WDR35: variants seen among roughly 807,000 people sequenced by gnomAD.
The protein encoded by WDR35 is WD repeat domain 35, also known as WD repeat-containing protein 35.
WDR35 carries 118 observed loss-of-function variants against 158.3 expected under a neutral mutation model. The observed-to-expected ratio is 0.75, with a 90% confidence interval of 0.64 to 0.87. The LOEUF is 0.87. Ranked by LOEUF, WDR35 falls within the 40% of genes least tolerant of loss-of-function variation. The pLI, the probability that WDR35 is intolerant of heterozygous loss-of-function variation, is 0.00. For missense variants in WDR35, 1,263 were observed against 1,405.8 expected, an observed-to-expected ratio of 0.90 and a Z score of 1.62; for synonymous variants, 448 against 476.1, an observed-to-expected ratio of 0.94 and a Z score of 0.77.
rs927540336 is a variant in WDR35 at position 19,934,384 on chromosome 2, T to C, written c.2548-873A>G. The stretch of plus-strand genomic sequence containing the variant: ...TCTTAACATCTTTGTCCTTTGAATA[T>C]ATATGTATATGTTTGTGTTGTACAC... On this transcript the variant is annotated intron_variant, in intron 21 of 26. Transcript: ENST00000281405. This position sits in a 1 kb window ranked among gnomAD's most constrained non-coding sequence, Gnocchi z 4.6. Among the ~76,000 whole-genome samples the C allele has an allele frequency of 3.9e-5, 6 of 152,150 alleles. No individual in the cohort carries two copies. The highest frequency in any genetic ancestry group is 7.4e-5 in the Non-Finnish European group (5 of 68,004).
intron 2 of WDR35, among the ~76,000 whole-genome samples, chr2:19,984,210 T>C (rs1470131158): frequency 2.6e-5 from 4 of 152,168 alleles, no homozygotes; most frequent in African/African-American, 7.2e-5. Context: ...TTCAGCTTGA[T>C]ATATTGAACA....
In WDR35 at chr2:19,978,879, C is replaced by G. The variant is rs886055406; in HGVS notation, c.308G>C (p.Gly103Ala). 1.2e-6 allele frequency: 2 copies of G among 1,613,506 alleles called. No homozygotes were observed. The highest frequency in any genetic ancestry group is 8.5e-7 in the Non-Finnish European group (1 of 1,179,728). The change falls in exon 5 of 27, where the codon GGC becomes GCC. Residue 103 changes from glycine (G) to alanine (A), a missense_variant and splice_region_variant. Gly to Ala is a moderately conservative substitution (Grantham distance 60). Transcript: ENST00000281405. Reference protein sequence around the residue: ...GLIIVWMLYKGSWIEEMINNR... With the variant: ...GLIIVWMLYKASWIEEMINNR... ...GTTGATCATCTCCTCAATCCAAGAG[C>G]CTGTTTTCACAAATTTAAAAAATTA...
Position 19,911,068 on chromosome 2 carries a change from C to A in WDR35, c.*2490G>T, listed in dbSNP as rs1285963483. 6.6e-6 allele frequency: 1 copy of A among 152,108 alleles called. No individual in the cohort carries two copies. The highest frequency in any genetic ancestry group is 1.5e-5 in the Non-Finnish European group (1 of 68,034). 9.4% of individuals were successfully genotyped at this position (152,108 alleles called of 1,614,324 possible). ...TTGTTTAAATATCAACTAGATCCAG[C>A]AACTTAGGATCTACCTGGAATAATT... is the stretch of plus-strand genomic sequence containing the variant. On this transcript the variant is annotated 3_prime_UTR_variant, in exon 27 of 27. Coordinates refer to ENST00000281405, the MANE Select transcript of WDR35 (RefSeq NM_020779.4).
chr2:19,916,705 G>C (rs578082913), intron 25 of WDR35, among the ~76,000 whole-genome samples: 61 of 152,252 alleles, frequency 4.0e-4, no homozygotes, highest in African/African-American at 1.4e-3. Context: ...GGACACCTCT[G>C]AAAAAAAGCC....
At chr2:19,954,062 G>A (rs1168951187) in intron 11 of WDR35, 84 bp from the exon 12 acceptor site, 11 of 1,498,372 alleles carry the variant, frequency 7.3e-6, no homozygotes, top group African/African-American at 1.4e-5. Flanking sequence ...TAATCACGGA[G>A]TTCAACCCCT....
At chr2:19,919,870 T>C (rs370672660) in intron 25 of WDR35, among the ~76,000 whole-genome samples, 1 of 151,822 alleles carries the variant, frequency 6.6e-6, no homozygotes. Context: ...AAGAATCAAA[T>C]AGATGCAATA....
intron 7 of WDR35, among the ~76,000 whole-genome samples, chr2:19,974,152 TG>T (rs1317845554): frequency 1.3e-5 from 2 of 151,940 alleles, no homozygotes; most frequent in Non-Finnish European, 2.9e-5. Context: ...GGCTCACGCC[TG>T]TAATCCCAGC....
Position 19,914,209 on chromosome 2 carries a change from C to T in WDR35, c.3190G>A (p.Ala1064Thr), listed in dbSNP as rs759338583. ...VEIYSLLALCACASRAFGTCS... is the reference protein window; with the variant it reads ...VEIYSLLALCTCASRAFGTCS... ...GTCCCAAAGGCTCTGCTGGCGCATG[C>T]GCAGAGTGCTAGCAGAGAGTAGATC... Residue 1064 changes from alanine (A) to threonine (T), a missense_variant, in exon 26 of 27, where the codon GCA (alanine) becomes ACA (threonine). Ala to Thr is a moderately conservative substitution (Grantham distance 58). Transcript: ENST00000281405. 19 of 1,613,934 alleles carry T rather than the reference C, an allele frequency of 1.2e-5. No homozygotes were observed. The Admixed American group carries it at 1.3e-4, about 11-fold the overall frequency.
Position 19,977,000 on chromosome 2 carries a change from T to G in WDR35, c.437-1337A>C, listed in dbSNP as rs193302231. 3.2e-3 allele frequency among the ~76,000 whole-genome samples: 485 copies of G among 152,268 alleles called. 1 individual carries two copies. Among genetic ancestry groups the G allele is most frequent in the East Asian group, 7.1e-3 (37 of 5,178 alleles). ...ACGCCCAGATAATTTGTTTTGTTTT[T>G]TTTTTATTTTTAGCACAGACAAGGT... On this transcript the variant is annotated intron_variant, in intron 5 of 26. Coordinates refer to ENST00000281405, the MANE Select transcript of WDR35 (RefSeq NM_020779.4).
rs1670682886 is a variant in WDR35, at chr2:19,936,088, A to T, written c.2414+131T>A. ...CAGGATCTCCGGCTTTCCAAGATGAATCTAGAGCTATCTGAATTTTAGAAT... is the reference window on the plus strand; with the variant it reads ...CAGGATCTCCGGCTTTCCAAGATGATTCTAGAGCTATCTGAATTTTAGAAT... On this transcript the variant is annotated intron_variant, in intron 20 of 26. Coordinates refer to ENST00000281405, the MANE Select transcript of WDR35 (RefSeq NM_020779.4). 4 of 1,423,040 alleles carry T rather than the reference A, an allele frequency of 2.8e-6. No individual in the cohort carries two copies. In the South Asian group the frequency reaches 3.8e-5, roughly 13 times the overall value. 88.2% of individuals were successfully genotyped at this position (1,423,040 alleles called of 1,614,324 possible).
intron 24 of WDR35, 143 bp from the exon 25 acceptor site, chr2:19,930,695 G>A: frequency 5.6e-6 from 7 of 1,242,408 alleles, no homozygotes; most frequent in Non-Finnish European, 7.9e-6. Flanking sequence ...TTTTTTAAGA[G>A]ATGAGGTATT....
chr2:19,950,817 C>T (rs2103422500), intron 13 of WDR35, among the ~76,000 whole-genome samples: 1 of 151,210 alleles, frequency 6.6e-6, no homozygotes, highest in African/African-American at 2.4e-5. Context: ...CTGAGTAAAT[C>T]AGTGAACTTC....
At chr2:19,979,015 C>T in intron 4 of WDR35, 136 bp from the exon 5 acceptor site, 1 of 1,088,764 alleles carries the variant, frequency 9.2e-7, no homozygotes, top group Non-Finnish European at 1.3e-6. Context: ...AGACATTAAA[C>T]TATAAAACTT....
At chr2:19,944,055 T>C (rs890557596) in intron 16 of WDR35, among the ~76,000 whole-genome samples, 1 of 151,914 alleles carries the variant, frequency 6.6e-6, no homozygotes, top group African/African-American at 2.4e-5. Flanking sequence ...GTAAAACAGA[T>C]CTTCCCTGCT....
Position 19,953,824 on chromosome 2 carries a change from A to G in WDR35, c.1400+10T>C, listed in dbSNP as rs1282606077. ...TTGAGCTACTAAAAAGTATGTATCA[A>G]AAGATATACCTTTCTCTCCCTTCTT... On this transcript the variant is annotated intron_variant, in intron 12 of 26. Coordinates refer to ENST00000281405, the MANE Select transcript of WDR35 (RefSeq NM_020779.4). 1 of 1,614,058 alleles carries G rather than the reference A, an allele frequency of 6.2e-7. No homozygotes were observed. Among genetic ancestry groups the G allele is most frequent in the South Asian group, 1.1e-5 (1 of 91,080 alleles).
At chr2:19,918,815 G>A (rs1356859050) in intron 25 of WDR35, among the ~76,000 whole-genome samples, 2 of 152,056 alleles carry the variant, frequency 1.3e-5, no homozygotes, top group Non-Finnish European at 2.9e-5. Flanking sequence ...TCAACACCCC[G>A]TTGTCAATAT....
intron 17 of WDR35, among the ~76,000 whole-genome samples, chr2:19,939,897 T>G (rs1300938187): frequency 6.6e-6 from 1 of 151,892 alleles, no homozygotes; most frequent in African/African-American, 2.4e-5. Context: ...ATTAAATATA[T>G]AAAAGCAGAC....
intron 25 of WDR35, among the ~76,000 whole-genome samples, chr2:19,930,145 T>A (rs1670479685): frequency 6.6e-6 from 1 of 151,838 alleles, no homozygotes; most frequent in Non-Finnish European, 1.5e-5. Context: ...TAACTTTGAA[T>A]GGCTAGCCAT....
intron 9 of WDR35, among the ~76,000 whole-genome samples, chr2:19,969,260 C>T (rs1460555066): frequency 6.6e-6 from 1 of 152,198 alleles, no homozygotes; most frequent in Non-Finnish European, 1.5e-5. Flanking sequence ...TCTTCAATTA[C>T]TCCTTTGAGT....
Sources: allele counts gnomAD v4.1 joint callset (sites outside exome capture counted in the v4.1 genomes callset), GRCh38; gene constraint gnomAD v4.1.1; non-coding constraint Gnocchi (gnomAD v3.1); transcripts MANE v1.5; gene names NCBI Gene and HGNC (gene_info 2026-07-23, HGNC 2026-07-21).